Variants in MRPS27 observed in about 807,000 individuals in gnomAD.
MRPS27 encodes the protein small ribosomal subunit protein mS27.
In MRPS27, 43 loss-of-function variants were observed where a neutral mutation model predicts 48.9. The ratio of observed to expected loss-of-function variants is 0.88; its 90% CI spans 0.69 to 1.13. The LOEUF (loss-of-function observed/expected upper bound fraction) is 1.13, where lower values mean the gene tolerates loss of function less well. Ranked by LOEUF, MRPS27 falls within the 50% of genes most tolerant of loss-of-function variation. The pLI is 0.00. For missense variants in MRPS27, 467 were observed against 476.3 expected (o/e 0.98, Z 0.18); for synonymous variants, 188 against 171.9 (o/e 1.09, Z -0.73).
intron 4 of MRPS27, among the ~76,000 whole-genome samples, chr5:72,278,816 A>G (rs1252392440): frequency 6.6e-6 from 1 of 152,180 alleles, no homozygotes; most frequent in Non-Finnish European, 1.5e-5. Context: ...ATCTATAGAT[A>G]GCTTTGGCTT....
intron 4 of MRPS27, among the ~76,000 whole-genome samples, chr5:72,274,313 C>T (rs530423477): frequency 6.6e-6 from 1 of 152,336 alleles, no homozygotes; most frequent in African/African-American, 2.4e-5. Flanking sequence ...GAGATCGCTC[C>T]ACTGCACTCC....
chr5:72,294,801 AAAG>A (rs1291473641), intron 4 of MRPS27: 9 of 152,278 alleles, frequency 5.9e-5, no homozygotes, highest in South Asian at 2.1e-4. Context: ...GTAAAAAAAA[AAAG>A]GAGAGAAGAG....
intron 5 of MRPS27, among the ~76,000 whole-genome samples, chr5:72,237,570 T>C (rs2111959992): frequency 6.6e-6 from 1 of 152,194 alleles, no homozygotes; most frequent in East Asian, 1.9e-4. Context: ...GGAATGTAAG[T>C]AAGACTCAAC....
At chr5:72,295,293 T>C (rs1580107693) in intron 4 of MRPS27, 2 of 376,480 alleles carry the variant, frequency 5.3e-6, no homozygotes, top group African/African-American at 4.2e-5. Context: ...TCGTATACAA[T>C]ACAAAAAAGA....
At chr5:72,222,064 G>A (rs773883421) in intron 10 of MRPS27, among the ~76,000 whole-genome samples, 3 of 152,230 alleles carry the variant, frequency 2.0e-5, no homozygotes, top group Non-Finnish European at 4.4e-5. Context: ...AACAGGGTTG[G>A]GGGTGGGCAG....
chr5:72,282,944 C>A (rs980656947), intron 4 of MRPS27, among the ~76,000 whole-genome samples: 2 of 152,152 alleles, frequency 1.3e-5, no homozygotes, highest in East Asian at 3.8e-4. Context: ...GCTGGAACTT[C>A]AATTTTAAAG....
rs145228137 is a variant in MRPS27, at chr5:72,275,882, T to C, written c.281+19649A>G. 6.6e-4 allele frequency among the ~76,000 whole-genome samples: 100 copies of C among 151,922 alleles called. No homozygotes were observed. In the East Asian group the frequency reaches 0.015, roughly 24 times the overall value. On this transcript the variant is annotated intron_variant, in intron 4 of 10. Coordinates refer to ENST00000261413, the MANE Select transcript of MRPS27 (RefSeq NM_015084.3). Reference sequence around the variant, plus strand: ...AAGTGGAGGGAAAGGGGAAGGGGTGTCTATAGTGAACCAGAAAGTTAGTCC... The same window carrying C: ...AAGTGGAGGGAAAGGGGAAGGGGTGCCTATAGTGAACCAGAAAGTTAGTCC...
At chr5:72,250,212 T>G (rs965637157) in intron 4 of MRPS27, among the ~76,000 whole-genome samples, 45 of 152,222 alleles carry the variant, frequency 3.0e-4, no homozygotes, top group South Asian at 2.1e-4. Flanking sequence ...TTTTGTTTCC[T>G]TGGGTATATT....
At chr5:72,303,321 CAA>C (rs1282827177) in intron 2 of MRPS27, among the ~76,000 whole-genome samples, 3 of 151,940 alleles carry the variant, frequency 2.0e-5, no homozygotes, top group African/African-American at 7.3e-5. Context: ...AAAAAGTAAA[CAA>C]TGAATAAGTT....
chr5:72,228,885 T>C (rs1418576451), intron 7 of MRPS27: 1 of 152,290 alleles, frequency 6.6e-6, no homozygotes, highest in Non-Finnish European at 1.5e-5. Flanking sequence ...TTTAGATAGA[T>C]TTGTGCTTCT....
intron 4 of MRPS27, among the ~76,000 whole-genome samples, chr5:72,248,440 G>A (rs1748565890): frequency 6.6e-6 from 1 of 152,100 alleles, no homozygotes; most frequent in African/African-American, 2.4e-5. Flanking sequence ...CTAAACAAAA[G>A]CTTTTAGGCT....
At chr5:72,223,892 C>A in intron 9 of MRPS27, 42 bp from the exon 10 acceptor site, 1 of 1,593,452 alleles carries the variant, frequency 6.3e-7, no homozygotes, top group African/African-American at 1.3e-5. Context: ...TGTTTTATGG[C>A]CCAAAAGCAC....
chr5:72,302,852 C>T (rs1032151349), intron 2 of MRPS27, among the ~76,000 whole-genome samples: 1 of 152,200 alleles, frequency 6.6e-6, no homozygotes, highest in Admixed American at 6.5e-5. Flanking sequence ...GGGAACTACA[C>T]CTGAAGTGAA....
At chr5:72,276,970 G>A (rs1444169645) in intron 4 of MRPS27, among the ~76,000 whole-genome samples, 1 of 152,076 alleles carries the variant, frequency 6.6e-6, no homozygotes, top group Non-Finnish European at 1.5e-5. Flanking sequence ...GGCGGAGGTT[G>A]CAATGAGCTG....
chr5:72,260,142 C>T (rs1748927030), intron 4 of MRPS27, among the ~76,000 whole-genome samples: 1 of 152,096 alleles, frequency 6.6e-6, no homozygotes, highest in African/African-American at 2.4e-5. Flanking sequence ...CAGATTAAGG[C>T]ATTTTGCTAT....
intron 4 of MRPS27, among the ~76,000 whole-genome samples, chr5:72,276,828 G>C (rs374607230): frequency 6.6e-6 from 1 of 151,954 alleles, no homozygotes; most frequent in Non-Finnish European, 1.5e-5. Flanking sequence ...TCAGGAGATC[G>C]AGACCATCCT....
intron 5 of MRPS27, among the ~76,000 whole-genome samples, chr5:72,236,069 C>T (rs1256424406): frequency 1.3e-5 from 2 of 152,038 alleles, no homozygotes; most frequent in Non-Finnish European, 2.9e-5. Context: ...CTTTTGTTTT[C>T]AGCAGAGTGT....
In MRPS27 at chr5:72,317,701, T is replaced by A. The variant is rs544189755; in HGVS notation, c.73+2448A>T. Among the ~76,000 whole-genome samples the A allele has an allele frequency of 2.6e-5, 4 of 152,156 alleles. No homozygotes were observed. The South Asian group carries it at 8.3e-4, about 32-fold the overall frequency. On this transcript the variant is annotated intron_variant, in intron 1 of 10. Coordinates refer to ENST00000261413, the MANE Select transcript of MRPS27 (RefSeq NM_015084.3). ...CCTAATTTTATTTATTATTATTATTTTTTTGAGATGGAGTATCTCTCTGTT... is the reference window on the plus strand; with the variant it reads ...CCTAATTTTATTTATTATTATTATTATTTTGAGATGGAGTATCTCTCTGTT...
At position 72,232,563 on chromosome 5, in the gene MRPS27, C is replaced by T. The variant is rs747792106; in HGVS notation, c.476-5G>A. On this transcript the variant is annotated splice_region_variant and splice_polypyrimidine_tract_variant and intron_variant, in intron 6 of 10. Coordinates refer to ENST00000261413, the MANE Select transcript of MRPS27 (RefSeq NM_015084.3). ...CAAAAACCACAGATAAAGCATCTAG[C>T]AGAAGATGAAAGTAAAAAAGAGAGG... The T allele has an allele frequency of 6.3e-7, 1 of 1,597,198 alleles. No individual in the cohort carries two copies. The highest frequency in any genetic ancestry group is 8.6e-7 in the Non-Finnish European group (1 of 1,166,870).
Sources: gnomAD v4.1 joint callset for allele counts (sites outside exome capture counted in the v4.1 genomes callset) on GRCh38, gnomAD v4.1.1 for gene constraint, MANE v1.5 for transcripts, NCBI Gene and HGNC (gene_info 2026-07-23, HGNC 2026-07-21) for gene names.